Variants in ATP6V0E1 observed in about 807,000 individuals in gnomAD.
The protein encoded by ATP6V0E1 is ATPase H+ transporting V0 subunit e1.
A neutral mutation model predicts 11.6 loss-of-function variants in ATP6V0E1; 4 were observed. The ratio of observed to expected loss-of-function variants is 0.35; its 90% confidence interval spans 0.17 to 0.79. The LOEUF (loss-of-function observed/expected upper bound fraction) is 0.79. ATP6V0E1 is among the 30% of genes least tolerant of loss of function. The pLI, the probability that ATP6V0E1 is intolerant of heterozygous loss-of-function variation, is 0.54. For synonymous variants in ATP6V0E1, 36 were observed against 34.8 expected, an observed-to-expected ratio of 1.04 and a Z score of -0.13; for missense variants, 105 against 100.0, an observed-to-expected ratio of 1.05 and a Z score of -0.21.
intron 3 of ATP6V0E1, among the ~76,000 whole-genome samples, chr5:173,031,234 G>A (rs1210604893): frequency 5.9e-5 from 9 of 151,320 alleles, no homozygotes; most frequent in Non-Finnish European, 1.2e-4. Context: ...GTGAGCCACC[G>A]TGCCCGGCCT....
chr5:172,997,812 CAAA>C (rs772648443), intron 2 of ATP6V0E1, among the ~76,000 whole-genome samples: 6 of 92,616 alleles, frequency 6.5e-5, no homozygotes, highest in South Asian at 3.3e-4. Flanking sequence ...GACTCCGTCT[CAAA>C]AAAAAAAAAA....
intron 3 of ATP6V0E1, among the ~76,000 whole-genome samples, chr5:173,024,809 T>C (rs1315845788): frequency 6.6e-6 from 1 of 151,788 alleles, no homozygotes; most frequent in African/African-American, 2.4e-5. Context: ...AATATAACAT[T>C]ACAGAGTTTT....
rs1487808089 is a variant in ATP6V0E1 at position 172,985,081 on chromosome 5, T to A, written c.104+1117T>A. ...CTAACACGGTGAAACCCGTCTCTAC[T>A]AAAAACACAAAAAATTAGCCGGGCG... On this transcript the variant is annotated intron_variant, in intron 1 of 3. Transcript: ENST00000519374. Among the ~76,000 whole-genome samples the A allele has an allele frequency of 1.5e-4, 23 of 151,928 alleles. 1 individual carries two copies. Among genetic ancestry groups the A allele is most frequent in the Admixed American group, 1.2e-3 (19 of 15,254 alleles).
intron 2 of ATP6V0E1, among the ~76,000 whole-genome samples, chr5:173,017,448 C>T (rs1212028865): frequency 4.0e-5 from 6 of 150,956 alleles, no homozygotes; most frequent in South Asian, 2.1e-4. Flanking sequence ...GCGGGAGAAT[C>T]GCTTGAACCC....
chr5:172,995,344 C>T (rs138209464), intron 2 of ATP6V0E1, among the ~76,000 whole-genome samples: 6,329 of 152,262 alleles, frequency 0.042, 195 homozygotes, highest in South Asian at 0.11. Flanking sequence ...TCAAGTGATC[C>T]GCCTGCCTTA....
chr5:172,999,226 G>A (rs1029698976), intron 2 of ATP6V0E1, among the ~76,000 whole-genome samples: 4 of 152,088 alleles, frequency 2.6e-5, no homozygotes, highest in African/African-American at 9.7e-5. Context: ...TGACTTCCTG[G>A]TTCTCCATAG....
At chr5:173,027,347 A>G (rs1354092273) in intron 3 of ATP6V0E1, among the ~76,000 whole-genome samples, 1 of 120,524 alleles carries the variant, frequency 8.3e-6, no homozygotes, top group Non-Finnish European at 1.7e-5. Context: ...AAAAAAATAC[A>G]AAAAATGAGC....
At chr5:173,002,717 G>A (rs1334362217) in intron 2 of ATP6V0E1, among the ~76,000 whole-genome samples, 5 of 152,184 alleles carry the variant, frequency 3.3e-5, no homozygotes, top group Admixed American at 6.5e-5. Context: ...GCCAAGTCTG[G>A]TGGCTCATGC....
intron 2 of ATP6V0E1, among the ~76,000 whole-genome samples, chr5:173,001,875 C>T (rs1036847693): frequency 2.0e-5 from 3 of 152,054 alleles, no homozygotes; most frequent in Non-Finnish European, 4.4e-5. Context: ...TGTGCCACCA[C>T]GCCTGGCTTA....
At chr5:173,026,906 T>G (rs10043542) in intron 3 of ATP6V0E1, among the ~76,000 whole-genome samples, 96,501 of 152,032 alleles carry the variant, frequency 0.63, 33,253 homozygotes, top group African/African-American at 0.88. Context: ...GCCGAGCGTG[T>G]TGGCTCATGC....
chr5:173,000,183 A>C (rs1756132307), intron 2 of ATP6V0E1, among the ~76,000 whole-genome samples: 2 of 152,128 alleles, frequency 1.3e-5, no homozygotes, highest in Admixed American at 6.6e-5. Context: ...TCTAGTTTAA[A>C]GTTTGATTCC....
chr5:172,991,592 G>C (rs1352278230), intron 1 of ATP6V0E1, among the ~76,000 whole-genome samples: 1 of 152,118 alleles, frequency 6.6e-6, no homozygotes, highest in African/African-American at 2.4e-5. Flanking sequence ...TTTGCACGTA[G>C]GGGGAGGTGA....
chr5:172,993,616 AG>A (rs1378482468), intron 1 of ATP6V0E1, among the ~76,000 whole-genome samples: 2 of 150,776 alleles, frequency 1.3e-5, no homozygotes, highest in Non-Finnish European at 3.0e-5. Context: ...ACACTTTGGG[AG>A]GCTGAGGCAG....
At chr5:173,008,126 C>A (rs900159074) in intron 2 of ATP6V0E1, among the ~76,000 whole-genome samples, 1 of 152,278 alleles carries the variant, frequency 6.6e-6, no homozygotes, top group South Asian at 2.1e-4. Context: ...AGCTTAACAG[C>A]GTGCTCACTT....
In ATP6V0E1 at chr5:173,007,932, C is replaced by T. The variant is rs75493367; in HGVS notation, c.153-12306C>T. Among the ~76,000 whole-genome samples, 930 of 152,264 alleles carry T rather than the reference C, an allele frequency of 6.1e-3. 7 individuals are homozygous for T. Among genetic ancestry groups the T allele is most frequent in the South Asian group, 0.031 (150 of 4,822 alleles). The stretch of plus-strand genomic sequence containing the variant: ...CAGGAGGCCTTCAAGGCATGTATGC[C>T]GGGCAGGGGCTTTGCTTAACATGTG... On this transcript the variant is annotated intron_variant, in intron 2 of 3. Transcript: ENST00000519374.
At chr5:173,020,586 A>G in intron 3 of ATP6V0E1, 1 of 543,314 alleles carries the variant, frequency 1.8e-6, no homozygotes, top group Non-Finnish European at 3.4e-6. Flanking sequence ...GCCTTTTTAA[A>G]TAAATACAGT....
chr5:173,024,617 ACT>A (rs1756528812), intron 3 of ATP6V0E1, among the ~76,000 whole-genome samples: 1 of 151,892 alleles, frequency 6.6e-6, no homozygotes, highest in African/African-American at 2.4e-5. Flanking sequence ...GGCCCATTTG[ACT>A]CTGGTTCTGT....
chr5:173,013,421 A>G (rs975900875), intron 2 of ATP6V0E1, among the ~76,000 whole-genome samples: 1 of 151,932 alleles, frequency 6.6e-6, no homozygotes, highest in African/African-American at 2.4e-5. Context: ...TAAAAATACA[A>G]AAAATTAACC....
chr5:173,012,391 C>G (rs1756339523), intron 2 of ATP6V0E1, among the ~76,000 whole-genome samples: 1 of 151,782 alleles, frequency 6.6e-6, no homozygotes, highest in Non-Finnish European at 1.5e-5. Context: ...CTTTGATAAC[C>G]ATATACAGAA....
Sources: allele counts gnomAD v4.1 joint callset (sites outside exome capture counted in the v4.1 genomes callset), GRCh38; gene constraint gnomAD v4.1.1; transcripts MANE v1.5; gene names NCBI Gene and HGNC (gene_info 2026-07-23, HGNC 2026-07-21).